The following GABRB2 variants were observed in gnomAD, a reference collection of about 807,000 sequenced individuals.
GABRB2 encodes gamma-aminobutyric acid type A receptor subunit beta2, also known as gamma-aminobutyric acid receptor subunit beta-2.
Under a neutral mutation model 54.7 loss-of-function variants are expected in GABRB2, and 16 were observed. The observed-to-expected ratio is 0.29, with a 90% CI of 0.20 to 0.44. GABRB2 has a LOEUF of 0.44. GABRB2 is among the 20% of genes least tolerant of loss of function. The probability of loss-of-function intolerance (pLI) is 1.00; values close to 1 mark genes in which losing one functional copy is unlikely to be tolerated. For synonymous variants in GABRB2, 244 were observed against 233.8 expected (o/e 1.04, Z -0.40); for missense variants, 355 against 644.0 (o/e 0.55, Z 4.86).
chr5:161,505,710 G>A (rs560138575), intron 3 of GABRB2, among the ~76,000 whole-genome samples: 1 of 152,220 alleles, frequency 6.6e-6, no homozygotes, highest in South Asian at 2.1e-4. Context: ...TCATCACTAA[G>A]TTCAGAGAAA....
chr5:161,364,586 C>T lies in GABRB2; in HGVS notation c.542-27817G>A, dbSNP rs190044687. ...TTAAAATGTCTCTACTCCAACTATC[C>T]ATTTCATATTTGGTTGTACTTCCCT... On this transcript the variant is annotated intron_variant, in intron 5 of 9. Transcript: ENST00000393959. Among the ~76,000 whole-genome samples, 35 of 152,224 alleles carry T rather than the reference C, an allele frequency of 2.3e-4. No homozygotes were observed. In the East Asian group the frequency reaches 6.8e-3, roughly 29 times the overall value.
chr5:161,430,928 T>C (rs1757156411), intron 4 of GABRB2, among the ~76,000 whole-genome samples: 1 of 152,172 alleles, frequency 6.6e-6, no homozygotes, highest in South Asian at 2.1e-4. Flanking sequence ...CATTACAAGA[T>C]AGAAGACTTG....
intron 5 of GABRB2, among the ~76,000 whole-genome samples, chr5:161,402,647 A>G (rs1331812535): frequency 6.6e-6 from 1 of 152,180 alleles, no homozygotes; most frequent in Non-Finnish European, 1.5e-5. Flanking sequence ...CGATCTTCCC[A>G]CTAAAGTCCA....
intron 4 of GABRB2, among the ~76,000 whole-genome samples, chr5:161,449,040 T>G (rs1483430661): frequency 6.6e-6 from 1 of 152,174 alleles, no homozygotes; most frequent in Non-Finnish European, 1.5e-5. Context: ...CTCAGTTCTT[T>G]TTAAGGGACC....
rs186099281 is a variant in GABRB2, at chr5:161,321,722, G to A, written c.1191+4646C>T. Among the ~76,000 whole-genome samples, 467 of 152,122 alleles carry A rather than the reference G, an allele frequency of 3.1e-3. 4 individuals are homozygous for A. Among genetic ancestry groups the A allele is most frequent in the African/African-American group, 0.011 (444 of 41,516 alleles). ...GTCTAACGATATTTAATATGCTGTG[G>A]AGTATACTGAAACCTAACTTTTTTT... On this transcript the variant is annotated intron_variant, in intron 9 of 9. Transcript: ENST00000393959.
intron 3 of GABRB2, among the ~76,000 whole-genome samples, chr5:161,462,841 G>A (rs904981559): frequency 5.9e-5 from 9 of 152,078 alleles, no homozygotes; most frequent in African/African-American, 1.9e-4. Context: ...CAATGTTAGT[G>A]CGCATAAAAA....
chr5:161,316,310 T>C (rs999472836), intron 9 of GABRB2, among the ~76,000 whole-genome samples: 1 of 152,128 alleles, frequency 6.6e-6, no homozygotes, highest in African/African-American at 2.4e-5. Flanking sequence ...TGAAGACCCA[T>C]ATCTGCAGAG....
intron 9 of GABRB2, among the ~76,000 whole-genome samples, chr5:161,312,209 C>G (rs1467238745): frequency 6.6e-6 from 1 of 152,134 alleles, no homozygotes; most frequent in Non-Finnish European, 1.5e-5. Flanking sequence ...GTGAATTACC[C>G]CAGTGAGTAT....
At chr5:161,477,551 G>A (rs1435846471) in intron 3 of GABRB2, among the ~76,000 whole-genome samples, 1 of 151,922 alleles carries the variant, frequency 6.6e-6, no homozygotes, top group Non-Finnish European at 1.5e-5. Context: ...AGAGGTGGAA[G>A]CAACTCAAAT....
intron 4 of GABRB2, among the ~76,000 whole-genome samples, chr5:161,456,552 T>A (rs946608002): frequency 6.6e-6 from 1 of 152,230 alleles, no homozygotes; most frequent in Non-Finnish European, 1.5e-5. Context: ...ATAGTGAAGA[T>A]CAACGTCTTT....
chr5:161,376,418 G>A (rs1044489625), intron 5 of GABRB2, among the ~76,000 whole-genome samples: 3 of 152,024 alleles, frequency 2.0e-5, no homozygotes, highest in African/African-American at 7.2e-5. Flanking sequence ...TAGATAGCAA[G>A]GTCCATCAGA....
intron 9 of GABRB2, among the ~76,000 whole-genome samples, chr5:161,308,051 T>C (rs929282524): frequency 6.8e-6 from 1 of 147,540 alleles, no homozygotes; most frequent in Non-Finnish European, 1.5e-5. Context: ...TTAGTAGAGA[T>C]GGGGTTTCAC....
chr5:161,510,497 C>A (rs983244135), intron 3 of GABRB2, among the ~76,000 whole-genome samples: 17 of 151,832 alleles, frequency 1.1e-4, no homozygotes, highest in Admixed American at 1.3e-4. Flanking sequence ...TCAAAAAATT[C>A]TTTTTGAACA....
intron 3 of GABRB2, among the ~76,000 whole-genome samples, chr5:161,502,863 GT>G (rs983842545): frequency 3.3e-5 from 5 of 152,174 alleles, no homozygotes; most frequent in African/African-American, 1.2e-4. Flanking sequence ...TCTCCATAAG[GT>G]TTTTTCATTG....
intron 8 of GABRB2, among the ~76,000 whole-genome samples, chr5:161,328,187 CAT>C (rs1416196526): frequency 6.6e-6 from 1 of 152,162 alleles, no homozygotes; most frequent in African/African-American, 2.4e-5. Flanking sequence ...AAACTTCTAA[CAT>C]AAAACATTCC....
intron 8 of GABRB2, chr5:161,329,928 T>C (rs1386663277): frequency 6.6e-6 from 1 of 152,218 alleles, no homozygotes; most frequent in Non-Finnish European, 1.5e-5. Context: ...TGAAGTTTAA[T>C]ATTGAGAGTA....
At chr5:161,461,442 T>C (rs1758115473) in intron 3 of GABRB2, among the ~76,000 whole-genome samples, 1 of 152,316 alleles carries the variant, frequency 6.6e-6, no homozygotes, top group East Asian at 1.9e-4. Flanking sequence ...TAACTTCTTT[T>C]AGTTTCAGTT....
At chr5:161,530,761 C>T (rs1302508427) in intron 3 of GABRB2, among the ~76,000 whole-genome samples, 2 of 152,012 alleles carry the variant, frequency 1.3e-5, no homozygotes, top group East Asian at 1.9e-4. Context: ...AACAAAGGTG[C>T]CATTTTTCAG....
intron 5 of GABRB2, among the ~76,000 whole-genome samples, chr5:161,391,939 C>T (rs528168622): frequency 3.5e-4 from 54 of 152,308 alleles, no homozygotes; most frequent in African/African-American, 1.2e-3. Flanking sequence ...AGCCCTGTAA[C>T]CTATGCTAAG....
Sources: gnomAD v4.1 joint callset for allele counts (sites outside exome capture counted in the v4.1 genomes callset) on GRCh38, gnomAD v4.1.1 for gene constraint, MANE v1.5 for transcripts, NCBI Gene and HGNC (gene_info 2026-07-23, HGNC 2026-07-21) for gene names.